Variants in FRS2 observed in about 807,000 individuals in gnomAD.
FRS2 encodes the protein FGFR signalling adaptor.
In FRS2, 8 loss-of-function variants were observed where a neutral mutation model predicts 43.9. The ratio of observed to expected loss-of-function variants is 0.18; its 90% CI spans 0.11 to 0.33. FRS2 has a LOEUF of 0.33. Among genes scored for constraint, FRS2 ranks in the 10% least tolerant of loss-of-function variants. The pLI is 1.00. For synonymous variants in FRS2, 219 were observed against 220.3 expected, an observed-to-expected ratio of 0.99 and a Z score of 0.05; for missense variants, 534 against 627.6, an observed-to-expected ratio of 0.85 and a Z score of 1.59.
intron 3 of FRS2, among the ~76,000 whole-genome samples, chr12:69,550,847 A>G (rs997031954): frequency 6.6e-6 from 1 of 152,220 alleles, no homozygotes; most frequent in Non-Finnish European, 1.5e-5. Flanking sequence ...TAGGAAACCA[A>G]TATTCTTTGT....
intron 1 of FRS2, among the ~76,000 whole-genome samples, chr12:69,473,898 G>A (rs542681838): frequency 5.9e-5 from 9 of 152,126 alleles, no homozygotes; most frequent in East Asian, 3.9e-4. Flanking sequence ...GCTGGAGTGC[G>A]GTGGCGTGAT....
chr12:69,501,116 C>A (rs1364038048), intron 1 of FRS2, among the ~76,000 whole-genome samples: 1 of 151,500 alleles, frequency 6.6e-6, no homozygotes, highest in African/African-American at 2.4e-5. Flanking sequence ...GAGATGGTCC[C>A]AATTTAAGAT....
intron 5 of FRS2, among the ~76,000 whole-genome samples, chr12:69,569,352 G>A (rs141250170): frequency 4.1e-4 from 62 of 151,984 alleles, no homozygotes; most frequent in Non-Finnish European, 6.0e-4. Context: ...GCCATTTTAC[G>A]GGGTGCCTTT....
intron 3 of FRS2, among the ~76,000 whole-genome samples, chr12:69,551,420 T>C (rs567274169): frequency 1.3e-5 from 2 of 152,308 alleles, no homozygotes; most frequent in African/African-American, 4.8e-5. Flanking sequence ...TTCAGAGGGA[T>C]GAGCTCAAGT....
intron 3 of FRS2, among the ~76,000 whole-genome samples, chr12:69,557,636 G>GCA (rs1555192604): frequency 4.3e-4 from 63 of 146,908 alleles, no homozygotes; most frequent in African/African-American, 1.6e-3. Context: ...GCGCGCGCGC[G>GCA]CAGGTGCATG....
intron 1 of FRS2, among the ~76,000 whole-genome samples, chr12:69,519,200 A>C (rs1183205812): frequency 6.6e-6 from 1 of 152,094 alleles, no homozygotes; most frequent in South Asian, 2.1e-4. Context: ...TCAAATACTG[A>C]GGTGTTTTGG....
chr12:69,543,884 A>G, intron 3 of FRS2, among the ~76,000 whole-genome samples: 1 of 152,190 alleles, frequency 6.6e-6, no homozygotes, highest in East Asian at 1.9e-4. Context: ...GGAGAGGCAG[A>G]AAATGATACT....
rs1881359513 is a variant in FRS2, at chr12:69,578,784, TG to T, written c.*3830del. 6.5e-6 allele frequency: 1 copy of T among 152,684 alleles called. No individual in the cohort carries two copies. Among genetic ancestry groups the T allele is most frequent in the East Asian group, 1.9e-4 (1 of 5,202 alleles). 9.5% of individuals were successfully genotyped at this position (152,684 alleles called of 1,614,324 possible). A position where few individuals can be genotyped will look rare whatever the true frequency, so the allele number is the denominator to read the frequency against. On this transcript the variant is annotated 3_prime_UTR_variant, in exon 9 of 9. Coordinates refer to ENST00000549921, the MANE Select transcript of FRS2 (RefSeq NM_001278356.2). The stretch of plus-strand genomic sequence containing the variant: ...CGTAAAGGCATAAATATAGCAACTT[TG>T]TATAAAGGTAGCTTATTAGATTTTT...
At chr12:69,531,258 A>T (rs975081105) in intron 2 of FRS2, among the ~76,000 whole-genome samples, 8 of 151,714 alleles carry the variant, frequency 5.3e-5, no homozygotes, top group African/African-American at 1.9e-4. Context: ...TGAACCCAGG[A>T]GGTGGAGGCT....
rs552769706 is a variant in FRS2, at chr12:69,488,291, G to A, written c.-261+17761G>A. 1.1e-4 allele frequency among the ~76,000 whole-genome samples: 17 copies of A among 152,228 alleles called. 1 individual carries two copies. Among genetic ancestry groups the A allele is most frequent in the African/African-American group, 3.1e-4 (13 of 41,554 alleles). On this transcript the variant is annotated intron_variant, in intron 1 of 8. Transcript: ENST00000549921. ...GTGATTGTTGCCTTAAGAAATTGCC[G>A]CAGCCACCCCACCCTTTAGCAACCA...
At chr12:69,476,383 T>A (rs556486893) in intron 1 of FRS2, among the ~76,000 whole-genome samples, 1 of 152,302 alleles carries the variant, frequency 6.6e-6, no homozygotes, top group Admixed American at 6.5e-5. Context: ...GGGCGCTGCC[T>A]GGGGGTGCTG....
chr12:69,497,983 C>A (rs1873063268), intron 1 of FRS2, among the ~76,000 whole-genome samples: 1 of 150,404 alleles, frequency 6.6e-6, no homozygotes, highest in African/African-American at 2.5e-5. Flanking sequence ...ATAATTCCAC[C>A]AATATCTATC....
chr12:69,557,084 A>T (rs575596816), intron 3 of FRS2, among the ~76,000 whole-genome samples: 2 of 152,296 alleles, frequency 1.3e-5, no homozygotes, highest in South Asian at 4.1e-4. Flanking sequence ...GTAAATGGGT[A>T]TTGGGTTAAA....
At position 69,569,012 on chromosome 12, in the gene FRS2, A is replaced by T. The variant is rs1880524951; in HGVS notation, c.-19A>T. 6.3e-7 allele frequency: 1 copy of T among 1,576,042 alleles called. No individual in the cohort carries two copies. The highest frequency in any genetic ancestry group is 8.7e-7 in the Non-Finnish European group (1 of 1,150,262). ...AAATTATTTTTCATGTAGTGCACAC[A>T]TGGTCTTCTGAAGAAGCCATGGGTA... On this transcript the variant is annotated 5_prime_UTR_variant, in exon 5 of 9. An upstream start codon of the reference 5' UTR is lost. Transcript: ENST00000549921.
At chr12:69,526,834 C>T (rs1876285284) in intron 1 of FRS2, among the ~76,000 whole-genome samples, 1 of 152,106 alleles carries the variant, frequency 6.6e-6, no homozygotes, top group Non-Finnish European at 1.5e-5. Context: ...AGTGATTCTC[C>T]TGCCTCAGCC....
intron 4 of FRS2, among the ~76,000 whole-genome samples, chr12:69,563,344 C>A (rs1463424009): frequency 6.6e-6 from 1 of 152,138 alleles, no homozygotes; most frequent in Non-Finnish European, 1.5e-5. Flanking sequence ...CCACAACTGC[C>A]CATGTTCCAG....
chr12:69,483,497 T>C (rs190010241), intron 1 of FRS2, among the ~76,000 whole-genome samples: 4 of 152,280 alleles, frequency 2.6e-5, no homozygotes, highest in African/African-American at 9.6e-5. Flanking sequence ...TTTACAAAAA[T>C]AGAAAAAAAT....
At chr12:69,518,551 T>G (rs1457143690) in intron 1 of FRS2, among the ~76,000 whole-genome samples, 1 of 151,380 alleles carries the variant, frequency 6.6e-6, no homozygotes, top group Non-Finnish European at 1.5e-5. Flanking sequence ...TGTGAAAACA[T>G]AGAAAAAATA....
rs189511215 is a variant in FRS2 at position 69,571,177 on chromosome 12, G to A, written c.254-99G>A. 1,568 of 688,574 alleles carry A rather than the reference G, an allele frequency of 2.3e-3. 4 individuals carry two copies. Among genetic ancestry groups the A allele is most frequent in the Non-Finnish European group, 3.0e-3 (1,252 of 413,630 alleles). 42.7% of individuals were successfully genotyped at this position (688,574 alleles called of 1,614,324 possible). On this transcript the variant is annotated intron_variant, in intron 6 of 8. Transcript: ENST00000549921. ...TTAAAAGGGATTTCTGACTCGGTGCGTAGAATGCTTACTTTACAATTCTGC... is the reference window on the plus strand; with the variant it reads ...TTAAAAGGGATTTCTGACTCGGTGCATAGAATGCTTACTTTACAATTCTGC...
Sources: allele counts gnomAD v4.1 joint callset (sites outside exome capture counted in the v4.1 genomes callset), GRCh38; gene constraint gnomAD v4.1.1; transcripts MANE v1.5; gene names NCBI Gene and HGNC (gene_info 2026-07-23, HGNC 2026-07-21).